Variants in TRPM4 observed in about 807,000 individuals in gnomAD.
The protein encoded by TRPM4 is transient receptor potential cation channel subfamily M member 4.
Under a neutral mutation model 135.6 loss-of-function variants are expected in TRPM4, and 124 were observed. That is an observed-to-expected ratio of 0.91 (90% CI 0.79 to 1.06). TRPM4 has a LOEUF of 1.06. Ranked by LOEUF, TRPM4 falls within the 50% of genes least tolerant of loss-of-function variation. The probability of loss-of-function intolerance (pLI) is 0.00; values close to 1 mark genes in which losing one functional copy is unlikely to be tolerated. For synonymous variants in TRPM4, 745 were observed against 705.6 expected (o/e 1.06, Z -0.88); for missense variants, 1,658 against 1,671.4 (o/e 0.99, Z 0.14).
chr19:49,191,980 C>A (rs989893993), intron 16 of TRPM4, among the ~76,000 whole-genome samples: 2 of 152,192 alleles, frequency 1.3e-5, no homozygotes, highest in Admixed American at 6.5e-5. Context: ...GCTACACATA[C>A]TTCCATCCCT....
rs371615385 is a variant in TRPM4, at chr19:49,167,777, T to C, written c.268-140T>C. The C allele has an allele frequency of 2.6e-5, 16 of 625,402 alleles. No individual in the cohort carries two copies. The African/African-American group carries it at 3.5e-4, about 14-fold the overall frequency. 38.7% of individuals were successfully genotyped at this position (625,402 alleles called of 1,614,324 possible). On this transcript the variant is annotated intron_variant, in intron 3 of 24. Coordinates refer to ENST00000252826, the MANE Select transcript of TRPM4 (RefSeq NM_017636.4). The stretch of plus-strand genomic sequence containing the variant: ...CTCTCTCTGGGTCTCTGTCCCCATC[T>C]CTCTGGGTCTCTGTCCCTCTCTCTC...
rs1600422094 is a variant in TRPM4 at position 49,171,956 on chromosome 19, A to G, written c.1051-53A>G. 7 of 1,508,712 alleles carry G rather than the reference A, an allele frequency of 4.6e-6. No individual in the cohort carries two copies. The East Asian group carries it at 6.8e-5, about 15-fold the overall frequency. The allele number at this position is 1,508,712 out of a possible 1,614,324, so 93.5% of individuals were successfully genotyped here. ...CCTCCATCCCTTTGGACAGGGCCCA[A>G]CAGGAGTTGGGGATGGAGGCGGGCT... is the stretch of plus-strand genomic sequence containing the variant. On this transcript the variant is annotated intron_variant, in intron 8 of 24. Coordinates refer to ENST00000252826, the MANE Select transcript of TRPM4 (RefSeq NM_017636.4). This position sits in a 1 kb window ranked among gnomAD's most constrained non-coding sequence, Gnocchi z 4.7.
intron 2 of TRPM4, among the ~76,000 whole-genome samples, chr19:49,163,200 T>TA (rs201681515): frequency 0.05 from 1,378 of 27,714 alleles, 15 homozygotes; most frequent in African/African-American, 0.06. Flanking sequence ...TTATTATTAT[T>TA]TTTTTTTTTT....
At position 49,196,657 on chromosome 19, in the gene TRPM4, C is replaced by T. The variant is rs746446358; in HGVS notation, c.2428C>T (p.Pro810Ser). 2 of 1,546,842 alleles carry T rather than the reference C, an allele frequency of 1.3e-6. No homozygotes were observed. The highest frequency in any genetic ancestry group is 1.7e-6 in the Non-Finnish European group (2 of 1,149,932). Residue 810 changes from proline to serine, a missense_variant, in exon 17 of 25, where the codon CCC becomes TCC. Transcript: ENST00000252826. ...GCTCGTGGATTTCCAGCCGGCGCCG[C>T]CCGGCTCCCTGGAGCTGCTGCTCTA... ...VLLVDFQPAP[P>S]GSLELLLYFW...
In TRPM4 at chr19:49,171,459, G is replaced by A. The variant is rs765902184; in HGVS notation, c.858+41G>A. The stretch of plus-strand genomic sequence containing the variant: ...TGCCCGGATCTAAGGGGGAAGGAGG[G>A]TTGGGGGCCAGGACTCCTGGGTCCT... On this transcript the variant is annotated intron_variant, in intron 7 of 24. Transcript: ENST00000252826. This position sits in a 1 kb window ranked among gnomAD's most constrained non-coding sequence, Gnocchi z 4.7. 6.2e-7 allele frequency: 1 copy of A among 1,613,276 alleles called. No homozygotes were observed. Among genetic ancestry groups the A allele is most frequent in the Non-Finnish European group, 8.5e-7 (1 of 1,179,366 alleles).
intron 2 of TRPM4, among the ~76,000 whole-genome samples, chr19:49,163,385 A>G (rs1316654359): frequency 2.7e-5 from 4 of 149,396 alleles, no homozygotes; most frequent in Non-Finnish European, 4.4e-5. Flanking sequence ...TAGTAGAGAT[A>G]AGGTTTCACT....
At chr19:49,187,073 T>A (rs1968222629) in intron 12 of TRPM4, among the ~76,000 whole-genome samples, 1 of 152,064 alleles carries the variant, frequency 6.6e-6, no homozygotes, top group Non-Finnish European at 1.5e-5. Context: ...ACACCAGGAA[T>A]GTGTGTCTTT....
At position 49,211,232 on chromosome 19, in the gene TRPM4, A is replaced by C. The variant is rs1489000217; in HGVS notation, c.3603A>C (p.Pro1201=). The change falls in exon 24 of 25, where the codon CCA becomes CCC. Residue 1201 remains proline, a synonymous_variant. Transcript: ENST00000252826. The surrounding 1 kb of genome is among the most constrained non-coding windows in gnomAD (Gnocchi z 4.8). Reference sequence around the variant, plus strand: ...TGAGCCGCTCTGCCTTGCTGCCCCCAGGTGGGCCGCCACCCCCTGACCTGC... The same window carrying C: ...TGAGCCGCTCTGCCTTGCTGCCCCCCGGTGGGCCGCCACCCCCTGACCTGC... ...EALSRSALLP[P]GGPPPPDLPG... The C allele has an allele frequency of 6.3e-7, 1 of 1,592,462 alleles. No individual in the cohort carries two copies.
intron 9 of TRPM4, among the ~76,000 whole-genome samples, chr19:49,177,307 GAA>G: frequency 6.7e-6 from 1 of 148,598 alleles, no homozygotes; most frequent in African/African-American, 2.5e-5. Context: ...CAGCAAGAAA[GAA>G]GGGCAAGGTC....
chr19:49,204,229 G>C (rs1969061999), intron 20 of TRPM4, among the ~76,000 whole-genome samples: 1 of 152,228 alleles, frequency 6.6e-6, no homozygotes, highest in South Asian at 2.1e-4. Context: ...TGGCATGCAA[G>C]TATCTATTTG....
At position 49,171,430 on chromosome 19, in the gene TRPM4, C is replaced by T. The variant is rs1172267668; in HGVS notation, c.858+12C>T. ...AGAAGATGTTGACGGTATAGGGGCC[C>T]GGATGCCCGGATCTAAGGGGGAAGG... is the stretch of plus-strand genomic sequence containing the variant. On this transcript the variant is annotated intron_variant, in intron 7 of 24. Coordinates refer to ENST00000252826, the MANE Select transcript of TRPM4 (RefSeq NM_017636.4). This position sits in a 1 kb window ranked among gnomAD's most constrained non-coding sequence, Gnocchi z 4.7. 40 of 1,613,756 alleles carry T rather than the reference C, an allele frequency of 2.5e-5. No homozygotes were observed. Among genetic ancestry groups the T allele is most frequent in the Non-Finnish European group, 3.0e-5 (35 of 1,179,968 alleles).
intron 2 of TRPM4, among the ~76,000 whole-genome samples, chr19:49,165,820 T>C (rs1967147341): frequency 6.6e-6 from 1 of 152,180 alleles, no homozygotes; most frequent in Non-Finnish European, 1.5e-5. Flanking sequence ...TCAGGCTTTC[T>C]GGACTCACTG....
intron 3 of TRPM4, among the ~76,000 whole-genome samples, chr19:49,166,710 C>T (rs1186342807): frequency 6.7e-6 from 1 of 150,002 alleles, no homozygotes; most frequent in East Asian, 2.0e-4. Flanking sequence ...GTCTGTGTTT[C>T]CGCTTTTCTC....
intron 20 of TRPM4, among the ~76,000 whole-genome samples, chr19:49,202,608 C>G (rs1442035122): frequency 1.3e-5 from 2 of 152,048 alleles, no homozygotes; most frequent in Non-Finnish European, 2.9e-5. Context: ...CCTCAGCCTC[C>G]CAAAGTGCTG....
chr19:49,172,554 A>G (rs1478830650), intron 9 of TRPM4, among the ~76,000 whole-genome samples: 2 of 146,932 alleles, frequency 1.4e-5, no homozygotes, highest in Non-Finnish European at 3.0e-5. Context: ...TCATTCTTCC[A>G]TCCATCCATC....
chr19:49,193,877 C>T lies in TRPM4; in HGVS notation c.2211-2563C>T, dbSNP rs372480866. ...TCCTCCTCCTTCTCCTCCTTGTCCT[C>T]CTCCTTGTCATCCTCCTTCTCCTCC... is the stretch of plus-strand genomic sequence containing the variant. On this transcript the variant is annotated intron_variant, in intron 16 of 24. Transcript: ENST00000252826. Among the ~76,000 whole-genome samples, 9 of 151,658 alleles carry T rather than the reference C, an allele frequency of 5.9e-5. No homozygotes were observed. The South Asian group carries it at 1.9e-3, about 32-fold the overall frequency.
Position 49,182,709 on chromosome 19 carries a change from C to G in TRPM4, c.1395C>G (p.Ser465Arg). 1 of 1,614,172 alleles carries G rather than the reference C, an allele frequency of 6.2e-7. No homozygotes were observed. The highest frequency in any genetic ancestry group is 2.2e-5 in the East Asian group (1 of 44,872). ...CGATGCGCCTGGCCCAACTCTACAG[C>G]GCGGCGCCCTCCAACTCGCTCATCC... ...LTPMRLAQLY[S>R]AAPSNSLIRN... The change falls in exon 11 of 25, where the codon AGC becomes AGG. Residue 465 changes from serine to arginine, a missense_variant. Around this residue, in one of 3 missense-constraint regions of TRPM4, gnomAD observed 1,412 missense variants for 1,408.7 expected, o/e 1.00. Transcript: ENST00000252826.
Position 49,210,370 on chromosome 19 carries a change from G to C in TRPM4, c.3293G>C (p.Ser1098Thr). ...LLRQLCRRPR[S>T]PQPSSPALEH... is the part of the protein sequence containing the mutation. ...AGGCAATTGTGCAGGCGACCCCGGAGCCCCCAGCCGTCCTCCCCGGCCCTC... is the reference window on the plus strand; with the variant it reads ...AGGCAATTGTGCAGGCGACCCCGGACCCCCCAGCCGTCCTCCCCGGCCCTC... The change falls in exon 21 of 25, where the codon AGC (serine) becomes ACC (threonine). Residue 1098 changes from serine (S) to threonine (T), a missense_variant. By Grantham distance (58) the Ser-to-Thr change is moderately conservative. Coordinates refer to ENST00000252826, the MANE Select transcript of TRPM4 (RefSeq NM_017636.4). This position sits in a 1 kb window ranked among gnomAD's most constrained non-coding sequence, Gnocchi z 4.1. The C allele has an allele frequency of 1.2e-6, 2 of 1,614,072 alleles. No individual in the cohort carries two copies. Among genetic ancestry groups the C allele is most frequent in the Non-Finnish European group, 1.7e-6 (2 of 1,180,044 alleles).
chr19:49,181,632 C>A (rs1192276896), intron 10 of TRPM4, among the ~76,000 whole-genome samples, 171 bp downstream of exon 10: 1 of 149,934 alleles, frequency 6.7e-6, no homozygotes, highest in Non-Finnish European at 1.5e-5. Context: ...CCTGGGTTCA[C>A]GCCATTCTCC....
Sources: gnomAD v4.1 joint callset for allele counts (sites outside exome capture counted in the v4.1 genomes callset) on GRCh38, gnomAD v4.1.1 for gene constraint, gnomAD v4.1.1 regional missense constraint, Gnocchi (gnomAD v3.1) non-coding constraint, MANE v1.5 for transcripts, NCBI Gene and HGNC (gene_info 2026-07-23, HGNC 2026-07-21) for gene names.